The following PLPP1 variants were observed in gnomAD, a reference collection of about 807,000 sequenced individuals.
The protein encoded by PLPP1 is phospholipid phosphatase 1, also known as lipid phosphate phosphohydrolase 1a.
A neutral mutation model predicts 31.2 loss-of-function variants in PLPP1; 24 were observed. That is an observed-to-expected ratio of 0.77 (90% CI 0.56 to 1.08). PLPP1 has a LOEUF of 1.08. Among genes scored for constraint, PLPP1 ranks in the 50% least tolerant of loss-of-function variants. The pLI is 0.00. For missense variants in PLPP1, 319 were observed against 342.7 expected, an observed-to-expected ratio of 0.93 and a Z score of 0.55; for synonymous variants, 146 against 126.3, an observed-to-expected ratio of 1.16 and a Z score of -1.05.
chr5:55,533,171 G>A (rs1040961863), intron 1 of PLPP1, among the ~76,000 whole-genome samples: 8 of 151,810 alleles, frequency 5.3e-5, no homozygotes, highest in Non-Finnish European at 1.0e-4. Context: ...ATCACCTGAG[G>A]TCAGGAGTTC....
At chr5:55,496,195 G>A (rs1198079971) in intron 1 of PLPP1, among the ~76,000 whole-genome samples, 1 of 150,902 alleles carries the variant, frequency 6.6e-6, no homozygotes, top group Non-Finnish European at 1.5e-5. Flanking sequence ...GAGTAGTGAT[G>A]AGAGTTCTGT....
chr5:55,438,162 T>C (rs1751537070), intron 4 of PLPP1, among the ~76,000 whole-genome samples: 1 of 152,080 alleles, frequency 6.6e-6, no homozygotes, highest in South Asian at 2.1e-4. Context: ...CTCCTCACTG[T>C]ATTGAAAGAA....
intron 4 of PLPP1, among the ~76,000 whole-genome samples, chr5:55,426,395 G>GT (rs1442583072): frequency 6.6e-6 from 1 of 151,984 alleles, no homozygotes. Flanking sequence ...GCTGCCATTG[G>GT]TTTTTTTATT....
intron 2 of PLPP1, among the ~76,000 whole-genome samples, chr5:55,468,696 C>T (rs973141191): frequency 1.3e-5 from 2 of 151,902 alleles, no homozygotes; most frequent in African/African-American, 2.4e-5. Flanking sequence ...CCAGCTACTT[C>T]GGAGGCTAAG....
At chr5:55,434,398 A>G (rs1751443488) in intron 4 of PLPP1, among the ~76,000 whole-genome samples, 1 of 152,136 alleles carries the variant, frequency 6.6e-6, no homozygotes, top group South Asian at 2.1e-4. Flanking sequence ...TCAAAACACC[A>G]ATGACATTCT....
At chr5:55,489,264 C>T (rs1752838033) in intron 1 of PLPP1, among the ~76,000 whole-genome samples, 1 of 152,118 alleles carries the variant, frequency 6.6e-6, no homozygotes, top group African/African-American at 2.4e-5. Context: ...TCCTCAAATA[C>T]AGGGGCAAGT....
intron 1 of PLPP1, among the ~76,000 whole-genome samples, chr5:55,522,635 C>G (rs1753694667): frequency 6.6e-6 from 1 of 152,204 alleles, no homozygotes; most frequent in African/African-American, 2.4e-5. Context: ...TACATCATAA[C>G]TAGTTAAACA....
At chr5:55,484,141 C>A (rs1236604365) in intron 1 of PLPP1, among the ~76,000 whole-genome samples, 1 of 152,128 alleles carries the variant, frequency 6.6e-6, no homozygotes, top group Non-Finnish European at 1.5e-5. Context: ...TAGCAAAAGT[C>A]CTGCTAAGTC....
In PLPP1 at chr5:55,460,153, G is replaced by A. The variant is rs538634206; in HGVS notation, c.491+7716C>T. ...AGTTTTGACTGCACAGGGGGTCAGC[G>A]CCCCAGTCCCTGCATTGTTTAAGGA... On this transcript the variant is annotated intron_variant, in intron 3 of 5. Transcript: ENST00000307259. Among the ~76,000 whole-genome samples, 22 of 152,190 alleles carry A rather than the reference G, an allele frequency of 1.4e-4. No homozygotes were observed. The South Asian group carries it at 3.5e-3, about 24-fold the overall frequency.
chr5:55,506,867 T>C (rs1753290568), intron 1 of PLPP1, among the ~76,000 whole-genome samples: 1 of 152,210 alleles, frequency 6.6e-6, no homozygotes, highest in African/African-American at 2.4e-5. Flanking sequence ...TTTTGGCTCT[T>C]TACTACTTTG....
chr5:55,477,813 A>C (rs959842106), intron 1 of PLPP1, among the ~76,000 whole-genome samples: 7 of 152,076 alleles, frequency 4.6e-5, no homozygotes, highest in Non-Finnish European at 8.8e-5. Flanking sequence ...GGAATAGTAT[A>C]TTTAGTATAG....
intron 4 of PLPP1, 77 bp downstream of exon 4, chr5:55,441,774 A>G: frequency 1.4e-6 from 2 of 1,431,084 alleles, no homozygotes; most frequent in Non-Finnish European, 2.0e-6. Flanking sequence ...TTATTAGGAC[A>G]GGTGAGGACA....
chr5:55,445,039 C>A (rs539089212), intron 3 of PLPP1, among the ~76,000 whole-genome samples: 1 of 152,170 alleles, frequency 6.6e-6, no homozygotes, highest in Non-Finnish European at 1.5e-5. Flanking sequence ...CGTGAGCCAC[C>A]GCGCCTAGCC....
intron 2 of PLPP1, 111 bp from the exon 3 acceptor site, chr5:55,468,260 CA>C: frequency 1.0e-6 from 1 of 983,772 alleles, no homozygotes; most frequent in Non-Finnish European, 1.5e-6. Flanking sequence ...ATCTTTGTTT[CA>C]AAAACAGTCC....
chr5:55,434,111 C>T lies in PLPP1; in HGVS notation c.549+7740G>A, dbSNP rs1267359803. Among the ~76,000 whole-genome samples the T allele has an allele frequency of 4.2e-5, 6 of 142,146 alleles. No individual in the cohort carries two copies. The South Asian group carries it at 1.1e-3, about 26-fold the overall frequency. 93.3% of individuals were successfully genotyped at this position (142,146 alleles called of 152,430 possible). ...ACCACTGCACTCCAGCCTGGGCGAG[C>T]GACTGAGTGAGACTCTGTCTCAAAA... On this transcript the variant is annotated intron_variant, in intron 4 of 5. Coordinates refer to ENST00000307259, the MANE Select transcript of PLPP1 (RefSeq NM_003711.4).
At chr5:55,472,936 C>T (rs1247786827) in intron 2 of PLPP1, among the ~76,000 whole-genome samples, 1 of 152,178 alleles carries the variant, frequency 6.6e-6, no homozygotes, top group African/African-American at 2.4e-5. Context: ...GCCCTCCAGG[C>T]TAGAGCAAAT....
At chr5:55,442,522 T>A (rs924312824) in intron 3 of PLPP1, among the ~76,000 whole-genome samples, 1 of 151,704 alleles carries the variant, frequency 6.6e-6, no homozygotes, top group African/African-American at 2.4e-5. Context: ...CGTGGTGGCG[T>A]GTGCCTGTAG....
In PLPP1 at chr5:55,426,037, A is replaced by C. The variant is rs1205130447; in HGVS notation, c.552T>G (p.Leu184=). ...CTCCCTTCATCCTGGCTTGAAGATA[A>C]AGCTAAAAGAAAAGAATAAAGAAAA... ...FSMYCMLFVA[L]YLQARMKGDW... is the part of the protein sequence containing the mutation. The change falls in exon 5 of 6, where the codon CTT becomes CTG. Residue 184 remains leucine (L), a splice_region_variant and synonymous_variant. Transcript: ENST00000307259. The C allele has an allele frequency of 1.3e-6, 2 of 1,575,990 alleles. No homozygotes were observed. The highest frequency in any genetic ancestry group is 2.8e-5 in the African/African-American group (2 of 72,530).
At chr5:55,490,219 T>TG (rs1424178510) in intron 1 of PLPP1, among the ~76,000 whole-genome samples, 1 of 150,774 alleles carries the variant, frequency 6.6e-6, no homozygotes, top group African/African-American at 2.4e-5. Flanking sequence ...GGCATGATCT[T>TG]GGCTCACTGA....
Sources: allele counts gnomAD v4.1 joint callset (sites outside exome capture counted in the v4.1 genomes callset), GRCh38; gene constraint gnomAD v4.1.1; transcripts MANE v1.5; gene names NCBI Gene and HGNC (gene_info 2026-07-23, HGNC 2026-07-21).